Variants in MTMR3 observed in about 807,000 individuals in gnomAD.
The protein encoded by MTMR3 is phosphatidylinositol-3,5-bisphosphate 3-phosphatase MTMR3.
A neutral mutation model predicts 132.4 loss-of-function variants in MTMR3; 32 were observed. That is an observed-to-expected ratio of 0.24 (90% CI 0.18 to 0.32). The LOEUF is 0.32. Among genes scored for constraint, MTMR3 ranks in the 10% least tolerant of loss-of-function variants. The pLI, the probability that MTMR3 is intolerant of heterozygous loss-of-function variation, is 1.00. For synonymous variants in MTMR3, 556 were observed against 550.3 expected, an observed-to-expected ratio of 1.01 and a Z score of -0.14; for missense variants, 1,216 against 1,489.6, an observed-to-expected ratio of 0.82 and a Z score of 3.02.
At chr22:29,938,096 T>C (rs995328302) in intron 1 of MTMR3, among the ~76,000 whole-genome samples, 1 of 152,184 alleles carries the variant, frequency 6.6e-6, no homozygotes, top group Non-Finnish European at 1.5e-5. Context: ...AGGTTTCACC[T>C]AGGATCTCAT....
rs75034821 is a variant in MTMR3, at chr22:30,013,217, A to G, written c.1318-139A>G. ...TAAGTGTGTGCCTCATCAGGGATAG[A>G]GCCTTCCACCAAAGGGCAAGGCCGG... On this transcript the variant is annotated intron_variant, in intron 13 of 19. Coordinates refer to ENST00000401950, the MANE Select transcript of MTMR3 (RefSeq NM_021090.4). The G allele has an allele frequency of 1.5e-3, 1,047 of 718,422 alleles. 7 individuals are homozygous for G. The African/African-American group carries it at 0.017, about 12-fold the overall frequency. The allele number at this position is 718,422 out of a possible 1,614,324, so 44.5% of individuals were successfully genotyped here.
chr22:30,019,202 CAAAAA>C (rs796476094), intron 16 of MTMR3: 29 of 156,426 alleles, frequency 1.9e-4, no homozygotes, highest in East Asian at 4.7e-4. Context: ...GACTCCGTCT[CAAAAA>C]AAAAAAAAAA....
At chr22:29,958,777 CT>C in intron 2 of MTMR3, among the ~76,000 whole-genome samples, 1 of 152,328 alleles carries the variant, frequency 6.6e-6, no homozygotes, top group Admixed American at 6.5e-5. Context: ...AAGGCAAGAA[CT>C]ATATTGATAT....
chr22:29,886,148 G>A (rs1568989904), intron 1 of MTMR3, among the ~76,000 whole-genome samples: 1 of 152,118 alleles, frequency 6.6e-6, no homozygotes, highest in Non-Finnish European at 1.5e-5. Context: ...CAGTTATGGT[G>A]GTTTATAGCA....
intron 10 of MTMR3, 189 bp downstream of exon 10, chr22:30,007,508 GA>G: frequency 1.6e-6 from 1 of 637,578 alleles, no homozygotes; most frequent in Non-Finnish European, 2.7e-6. Flanking sequence ...TTTCAAACCT[GA>G]ATCAAGATAT....
intron 1 of MTMR3, among the ~76,000 whole-genome samples, chr22:29,925,652 A>G (rs2145778640): frequency 6.6e-6 from 1 of 152,090 alleles, no homozygotes; most frequent in Middle Eastern, 3.4e-3. Flanking sequence ...ATGGTGGCTC[A>G]TGCCTGTAAT....
chr22:29,913,454 T>C (rs980970949), intron 1 of MTMR3, among the ~76,000 whole-genome samples: 4 of 152,202 alleles, frequency 2.6e-5, no homozygotes, highest in Non-Finnish European at 4.4e-5. Context: ...AGAGCACATA[T>C]GTATACCTTT....
rs561351216 is a variant in MTMR3, at chr22:30,020,231, A to G, written c.2572A>G (p.Ser858Gly). 2 of 1,614,214 alleles carry G rather than the reference A, an allele frequency of 1.2e-6. No individual in the cohort carries two copies. Among genetic ancestry groups the G allele is most frequent in the Non-Finnish European group, 1.7e-6 (2 of 1,180,050 alleles). The change falls in exon 17 of 20, where the codon AGT becomes GGT. Residue 858 changes from serine to glycine, a missense_variant. This residue lies in a region of MTMR3 where 852 missense variants were observed against 852.0 expected (regional missense o/e 1.00). Coordinates refer to ENST00000401950, the MANE Select transcript of MTMR3 (RefSeq NM_021090.4). ...MLVEDKVKSV[S>G]GPQGHHRSCL... ...AGTGGAAGATAAGGTGAAGTCAGTA[A>G]GTGGGCCCCAAGGTCATCATAGATC... is the stretch of plus-strand genomic sequence containing the variant.
At chr22:29,912,419 G>A (rs1467490546) in intron 1 of MTMR3, among the ~76,000 whole-genome samples, 4 of 152,094 alleles carry the variant, frequency 2.6e-5, no homozygotes, top group African/African-American at 9.7e-5. Flanking sequence ...AAGTAGCTGG[G>A]ATTACAGGTG....
intron 10 of MTMR3, 35 bp from the exon 11 acceptor site, chr22:30,007,866 C>T: frequency 6.2e-7 from 1 of 1,610,476 alleles, no homozygotes; most frequent in Non-Finnish European, 8.5e-7. Context: ...GAGAGACAGG[C>T]TCATTTAGTA....
At chr22:29,901,168 A>C (rs2064996750) in intron 1 of MTMR3, among the ~76,000 whole-genome samples, 1 of 152,038 alleles carries the variant, frequency 6.6e-6, no homozygotes, top group Non-Finnish European at 1.5e-5. Flanking sequence ...TCTGGAAAAG[A>C]TTGATGTTAA....
At chr22:29,925,494 T>A (rs999533335) in intron 1 of MTMR3, among the ~76,000 whole-genome samples, 3 of 151,632 alleles carry the variant, frequency 2.0e-5, no homozygotes, top group African/African-American at 7.3e-5. Flanking sequence ...TAAATTTCAT[T>A]TTAAAAAGAA....
At chr22:30,015,918 A>C (rs1169415984) in intron 14 of MTMR3, 1 of 152,584 alleles carries the variant, frequency 6.6e-6, no homozygotes, top group Non-Finnish European at 1.5e-5. Context: ...CTCTGCCTGG[A>C]GTGCTTCCCC....
chr22:29,997,578 T>C (rs1925086798), intron 7 of MTMR3: 1 of 152,250 alleles, frequency 6.6e-6, no homozygotes, highest in East Asian at 1.9e-4. Flanking sequence ...TCTGTTTTGC[T>C]TTTTTAAGGA....
intron 1 of MTMR3, among the ~76,000 whole-genome samples, chr22:29,927,678 A>G (rs560933177): frequency 2.0e-5 from 3 of 152,262 alleles, no homozygotes; most frequent in South Asian, 4.1e-4. Context: ...TGTGCATGCA[A>G]TAAGGTGCAT....
chr22:29,945,914 T>A (rs1289649846), intron 1 of MTMR3, among the ~76,000 whole-genome samples: 1 of 152,082 alleles, frequency 6.6e-6, no homozygotes, highest in East Asian at 1.9e-4. Context: ...GGAGAGAAAT[T>A]TTAGGAAAAC....
intron 6 of MTMR3, chr22:29,990,970 G>C (rs1235378829): frequency 1.3e-5 from 2 of 152,258 alleles, no homozygotes; most frequent in Non-Finnish European, 2.9e-5. Flanking sequence ...CAATAGAATT[G>C]TTTTGTTCTC....
In MTMR3 at chr22:30,021,819, C is replaced by CACT; in HGVS notation, c.3226-208_3226-207insTAC. 5.3e-6 allele frequency: 3 copies of CACT among 565,718 alleles called. No individual in the cohort carries two copies. In the South Asian group the frequency reaches 6.7e-5, roughly 13 times the overall value. 35.0% of individuals were successfully genotyped at this position (565,718 alleles called of 1,614,324 possible). ...CTGTTTTTCTACTCCAGAGTCACTG[C>CACT]ACACAACCTGTGTATCCCTCTCCCA... On this transcript the variant is annotated intron_variant, in intron 17 of 19. Coordinates refer to ENST00000401950, the MANE Select transcript of MTMR3 (RefSeq NM_021090.4).
At chr22:29,975,441 G>A (rs1038044630) in intron 3 of MTMR3, among the ~76,000 whole-genome samples, 2 of 151,686 alleles carry the variant, frequency 1.3e-5, no homozygotes, top group African/African-American at 2.4e-5. Context: ...TATCTACTTC[G>A]GCATTCAGTC....
Sources: gnomAD v4.1 joint callset for allele counts (sites outside exome capture counted in the v4.1 genomes callset) on GRCh38, gnomAD v4.1.1 for gene constraint, gnomAD v4.1.1 regional missense constraint, MANE v1.5 for transcripts, NCBI Gene and HGNC (gene_info 2026-07-23, HGNC 2026-07-21) for gene names.